The following PHC3 variants were observed in gnomAD, a reference collection of about 807,000 sequenced individuals.
The protein encoded by PHC3 is polyhomeotic homolog 3.
PHC3 carries 13 observed loss-of-function variants against 107.4 expected under a neutral mutation model. The ratio of observed to expected loss-of-function variants is 0.12; its 90% CI spans 0.08 to 0.19. PHC3 has a LOEUF of 0.19. Among genes scored for constraint, PHC3 ranks in the 10% least tolerant of loss-of-function variants. The pLI, the probability that PHC3 is intolerant of heterozygous loss-of-function variation, is 1.00. For synonymous variants in PHC3, 456 were observed against 427.4 expected, an observed-to-expected ratio of 1.07 and a Z score of -0.83; for missense variants, 992 against 1,210.9, an observed-to-expected ratio of 0.82 and a Z score of 2.68.
At chr3:170,144,104 A>T (rs1384203967) in intron 6 of PHC3, among the ~76,000 whole-genome samples, 1 of 151,320 alleles carries the variant, frequency 6.6e-6, no homozygotes, top group African/African-American at 2.4e-5. Flanking sequence ...AGGCGGGCAG[A>T]TCACCTGAGA....
At chr3:170,162,371 T>C (rs1239714831) in intron 4 of PHC3, among the ~76,000 whole-genome samples, 4 of 152,158 alleles carry the variant, frequency 2.6e-5, no homozygotes, top group Non-Finnish European at 5.9e-5. Context: ...AAAATCAAAC[T>C]CCTAATTTTC....
intron 12 of PHC3, among the ~76,000 whole-genome samples, chr3:170,103,220 G>A (rs1379744370): frequency 6.6e-6 from 1 of 152,064 alleles, no homozygotes; most frequent in East Asian, 1.9e-4. Flanking sequence ...GAAACTGCCT[G>A]CAAAATACAG....
chr3:170,152,564 A>T (rs77656675), intron 4 of PHC3, among the ~76,000 whole-genome samples: 1,839 of 152,004 alleles, frequency 0.012, 37 homozygotes, highest in African/African-American at 0.042. Context: ...AACTGACAAA[A>T]TCAGTGGAAT....
Position 170,123,857 on chromosome 3 carries a change from C to CT in PHC3, c.1789-1114dup, listed in dbSNP as rs543890140. ...AGAAGGAGCTATGTAACTAGAAATA[C>CT]TTTTTTTTTTGACAGAGTCTCGCTC... On this transcript the variant is annotated intron_variant, in intron 8 of 14. Transcript: ENST00000495893. Among the ~76,000 whole-genome samples the CT allele has an allele frequency of 5.0e-3, 746 of 148,870 alleles. 6 individuals carry two copies. Among genetic ancestry groups the CT allele is most frequent in the South Asian group, 0.017 (78 of 4,672 alleles).
At chr3:170,124,819 G>A (rs1720997190) in intron 8 of PHC3, among the ~76,000 whole-genome samples, 1 of 151,966 alleles carries the variant, frequency 6.6e-6, no homozygotes, top group African/African-American at 2.4e-5. Flanking sequence ...TCTGAAACCA[G>A]CAAAACCCAT....
chr3:170,113,221 T>A (rs1718176192), intron 11 of PHC3, 139 bp downstream of exon 11: 1 of 704,552 alleles, frequency 1.4e-6, no homozygotes, highest in African/African-American at 1.8e-5. Flanking sequence ...TCCCATTATT[T>A]TAGTCAAATG....
At chr3:170,106,166 G>A (rs766122189) in intron 12 of PHC3, among the ~76,000 whole-genome samples, 5 of 151,976 alleles carry the variant, frequency 3.3e-5, no homozygotes, top group Admixed American at 1.3e-4. Flanking sequence ...GAGCCGAGAC[G>A]GCACCACTGC....
intron 8 of PHC3, among the ~76,000 whole-genome samples, chr3:170,126,851 AT>A (rs977947191): frequency 3.3e-5 from 5 of 151,758 alleles, no homozygotes; most frequent in Admixed American, 3.3e-4. Context: ...TTATATTTCT[AT>A]CCCAAATTTG....
intron 11 of PHC3, among the ~76,000 whole-genome samples, chr3:170,112,230 G>A (rs1361516123): frequency 6.8e-6 from 1 of 146,200 alleles, no homozygotes; most frequent in Non-Finnish European, 1.5e-5. Flanking sequence ...TTTTTTTTTT[G>A]AGACGGAATC....
chr3:170,125,321 C>G (rs1393210804), intron 8 of PHC3, among the ~76,000 whole-genome samples: 1 of 152,000 alleles, frequency 6.6e-6, no homozygotes, highest in African/African-American at 2.4e-5. Context: ...AATCTAGTCC[C>G]CAAGGGCAAG....
intron 14 of PHC3, among the ~76,000 whole-genome samples, chr3:170,100,435 C>G (rs1247489057): frequency 6.6e-6 from 1 of 152,102 alleles, no homozygotes; most frequent in African/African-American, 2.4e-5. Flanking sequence ...AAAGGTGATA[C>G]AACTAATCAC....
At chr3:170,177,355 G>C (rs1045076927) in intron 2 of PHC3, among the ~76,000 whole-genome samples, 2 of 151,972 alleles carry the variant, frequency 1.3e-5, no homozygotes, top group African/African-American at 2.4e-5. Context: ...ACAAATGTAA[G>C]CCCTCTCAAT....
intron 12 of PHC3, among the ~76,000 whole-genome samples, chr3:170,104,466 TCTCA>T (rs1190402833): frequency 6.6e-6 from 1 of 152,072 alleles, no homozygotes; most frequent in East Asian, 1.9e-4. Context: ...GAGATGGGGG[TCTCA>T]CTATGTTGCC....
At chr3:170,101,544 AATG>A (rs1480724571) in intron 14 of PHC3, among the ~76,000 whole-genome samples, 1 of 152,168 alleles carries the variant, frequency 6.6e-6, no homozygotes, top group Non-Finnish European at 1.5e-5. Context: ...TATCAAGAGA[AATG>A]ATATGATTCG....
At chr3:170,101,455 A>T (rs938558864) in intron 14 of PHC3, among the ~76,000 whole-genome samples, 1 of 152,222 alleles carries the variant, frequency 6.6e-6, no homozygotes, top group African/African-American at 2.4e-5. Context: ...ATTAGCAACA[A>T]CAGCTGATTA....
intron 1 of PHC3, among the ~76,000 whole-genome samples, chr3:170,181,147 G>A (rs1731339415): frequency 6.6e-6 from 1 of 152,204 alleles, no homozygotes; most frequent in Admixed American, 6.5e-5. Flanking sequence ...CACCAGACCT[G>A]CAAGCAGCCC....
At chr3:170,138,617 G>A (rs1334701028) in intron 6 of PHC3, among the ~76,000 whole-genome samples, 1 of 150,308 alleles carries the variant, frequency 6.7e-6, no homozygotes, top group African/African-American at 2.5e-5. Flanking sequence ...TTGAAACCCG[G>A]AGGCAGAGGT....
chr3:170,093,922 A>G lies in PHC3; in HGVS notation c.*3308T>C, dbSNP rs1714373773. The G allele has an allele frequency of 6.6e-6, 1 of 152,190 alleles. No individual in the cohort carries two copies. The highest frequency in any genetic ancestry group is 6.5e-5 in the Admixed American group (1 of 15,270). The allele number at this position is 152,190 out of a possible 1,614,324, so 9.4% of individuals were successfully genotyped here. A position where few individuals can be genotyped will look rare whatever the true frequency, so the allele number is the denominator to read the frequency against. On this transcript the variant is annotated 3_prime_UTR_variant, in exon 15 of 15. Coordinates refer to ENST00000495893, the MANE Select transcript of PHC3 (RefSeq NM_024947.4). ...TTCTTCTAAGTAAAACATGAATTTC[A>G]CTTCAAAAGTGCAGAAATGTGCTCA...
At chr3:170,148,337 T>A (rs1018992151) in intron 5 of PHC3, 1 of 152,146 alleles carries the variant, frequency 6.6e-6, no homozygotes, top group South Asian at 2.1e-4. Flanking sequence ...TTCAGTCCAC[T>A]GGACAAAAAA....
Sources: gnomAD v4.1 joint callset for allele counts (sites outside exome capture counted in the v4.1 genomes callset) on GRCh38, gnomAD v4.1.1 for gene constraint, MANE v1.5 for transcripts, NCBI Gene and HGNC (gene_info 2026-07-23, HGNC 2026-07-21) for gene names.